Variants in AP4E1 observed in about 807,000 individuals in gnomAD.
AP4E1 encodes the protein adaptor related protein complex 4 subunit epsilon 1.
AP4E1 carries 56 observed loss-of-function variants against 128.2 expected under a neutral mutation model. That is an observed-to-expected ratio of 0.44 (90% CI 0.35 to 0.55). AP4E1 has a LOEUF of 0.55. Among genes scored for constraint, AP4E1 ranks in the 20% least tolerant of loss-of-function variants. The pLI, the probability that AP4E1 is intolerant of heterozygous loss-of-function variation, is 0.00. For synonymous variants in AP4E1, 484 were observed against 473.1 expected, an observed-to-expected ratio of 1.02 and a Z score of -0.30; for missense variants, 1,324 against 1,307.7, an observed-to-expected ratio of 1.01 and a Z score of -0.19.
At chr15:50,953,483 T>C (rs28642856) in intron 13 of AP4E1, among the ~76,000 whole-genome samples, 21,691 of 152,224 alleles carry the variant, frequency 0.14, 1,647 homozygotes, top group South Asian at 0.19. Context: ...TCTTGAGCCA[T>C]CCTGCTTCAT....
At chr15:50,922,324 T>G (rs1008003624) in intron 3 of AP4E1, among the ~76,000 whole-genome samples, 4 of 152,074 alleles carry the variant, frequency 2.6e-5, no homozygotes, top group Non-Finnish European at 5.9e-5. Flanking sequence ...GGAGTGAGAC[T>G]CTGTCTCAGG....
At chr15:50,957,345 T>C (rs1416179216) in intron 13 of AP4E1, among the ~76,000 whole-genome samples, 1 of 152,168 alleles carries the variant, frequency 6.6e-6, no homozygotes, top group Non-Finnish European at 1.5e-5. Context: ...TGTCAAGCTG[T>C]CCCTCTGAAG....
In AP4E1 at chr15:51,004,676, A is replaced by G. The variant is rs545135843; in HGVS notation, c.*2014A>G. ...CTTTCTGACCCACTAAATAAAAAGT[A>G]GTGTAACAGGGTTTCACTGGAATGT... On this transcript the variant is annotated 3_prime_UTR_variant, in exon 21 of 21. Coordinates refer to ENST00000261842, the MANE Select transcript of AP4E1 (RefSeq NM_007347.5). 8.5e-5 allele frequency: 13 copies of G among 152,786 alleles called. No homozygotes were observed. Among genetic ancestry groups the G allele is most frequent in the African/African-American group, 2.9e-4 (12 of 41,582 alleles). The allele number at this position is 152,786 out of a possible 1,614,324, so 9.5% of individuals were successfully genotyped here. A position where few individuals can be genotyped will look rare whatever the true frequency, so the allele number is the denominator to read the frequency against.
intron 15 of AP4E1, among the ~76,000 whole-genome samples, chr15:50,974,201 A>G (rs1326108183): frequency 6.6e-6 from 1 of 151,522 alleles, no homozygotes. Context: ...CCTGACTTCA[A>G]GTGATCCACC....
intron 10 of AP4E1, among the ~76,000 whole-genome samples, chr15:50,943,591 T>C (rs891776668): frequency 6.6e-6 from 1 of 152,142 alleles, no homozygotes; most frequent in African/African-American, 2.4e-5. Context: ...GAGCATGCAT[T>C]TCCTTTGTAT....
At chr15:50,958,379 A>T (rs1249893606) in intron 13 of AP4E1, 113 bp from the exon 14 acceptor site, 1 of 832,832 alleles carries the variant, frequency 1.2e-6, no homozygotes, top group Admixed American at 2.8e-5. Context: ...CCATGAGAGG[A>T]TGTTTAATCT....
intron 17 of AP4E1, among the ~76,000 whole-genome samples, chr15:50,995,173 T>C (rs942843045): frequency 6.6e-6 from 1 of 152,206 alleles, no homozygotes; most frequent in Non-Finnish European, 1.5e-5. Flanking sequence ...GTGCTCCTTC[T>C]GTGTCATGCC....
At chr15:50,942,259 C>T (rs2063998490) in intron 10 of AP4E1, among the ~76,000 whole-genome samples, 1 of 152,080 alleles carries the variant, frequency 6.6e-6, no homozygotes, top group Admixed American at 6.5e-5. Flanking sequence ...CTAAAAAGTA[C>T]TATGTCAGTG....
intron 14 of AP4E1, among the ~76,000 whole-genome samples, chr15:50,964,382 AT>A (rs1246403062): frequency 1.2e-4 from 16 of 137,908 alleles, no homozygotes; most frequent in Admixed American, 1.1e-3. Flanking sequence ...TGTTTTCTTG[AT>A]TTATTTTTGT....
At chr15:50,978,159 T>C (rs1164217956) in intron 15 of AP4E1, among the ~76,000 whole-genome samples, 1 of 152,006 alleles carries the variant, frequency 6.6e-6, no homozygotes, top group Non-Finnish European at 1.5e-5. Flanking sequence ...TTAGCAAAAA[T>C]AGGTGAGATG....
At chr15:50,955,688 C>G (rs1178972669) in intron 13 of AP4E1, among the ~76,000 whole-genome samples, 1 of 152,230 alleles carries the variant, frequency 6.6e-6, no homozygotes, top group Non-Finnish European at 1.5e-5. Flanking sequence ...CACTGTATTT[C>G]TCCTTGGTGG....
chr15:50,952,236 C>T (rs752134643), intron 13 of AP4E1, among the ~76,000 whole-genome samples: 1 of 151,920 alleles, frequency 6.6e-6, no homozygotes, highest in Non-Finnish European at 1.5e-5. Flanking sequence ...AGACACTGGG[C>T]GCGGTGGCTC....
intron 6 of AP4E1, among the ~76,000 whole-genome samples, chr15:50,930,296 A>G (rs1385365508): frequency 7.3e-6 from 1 of 136,568 alleles, no homozygotes; most frequent in Non-Finnish European, 1.5e-5. Context: ...CGAACTCCCA[A>G]CCTCAGGTGA....
intron 15 of AP4E1, among the ~76,000 whole-genome samples, chr15:50,975,775 T>A (rs1031897374): frequency 7.9e-5 from 12 of 152,216 alleles, no homozygotes; most frequent in African/African-American, 2.9e-4. Context: ...ATTCATGGTC[T>A]TTTGTGGTTC....
At chr15:50,960,473 T>C (rs940163363) in intron 14 of AP4E1, among the ~76,000 whole-genome samples, 17 of 129,750 alleles carry the variant, frequency 1.3e-4, no homozygotes. Flanking sequence ...AAAGGTACTT[T>C]GGAAACTGAA....
chr15:50,948,339 C>CTTTTTTTTTTTTTTTTTT (rs66467957), intron 11 of AP4E1, among the ~76,000 whole-genome samples, 180 bp downstream of exon 11: 2 of 122,060 alleles, frequency 1.6e-5, no homozygotes, highest in African/African-American at 3.0e-5. Context: ...TAGGAGATGG[C>CTTTTTTTTTTTTTTTTTT]TTTTTTTTTT....
In AP4E1 at chr15:50,945,331, T is replaced by G; in HGVS notation, c.1177-2689T>G. 3 of 780,592 alleles carry G rather than the reference T, an allele frequency of 3.8e-6. No individual in the cohort carries two copies. In the Admixed American group the frequency reaches 5.1e-5, roughly 13 times the overall value. 48.4% of individuals were successfully genotyped at this position (780,592 alleles called of 1,614,324 possible). ...TGCGTCTGACAGGAATATAGTACTGTACAACATGAGGCAAGCTACTCCTTT... is the reference window on the plus strand; with the variant it reads ...TGCGTCTGACAGGAATATAGTACTGGACAACATGAGGCAAGCTACTCCTTT... On this transcript the variant is annotated intron_variant, in intron 10 of 20. Coordinates refer to ENST00000261842, the MANE Select transcript of AP4E1 (RefSeq NM_007347.5).
At chr15:50,980,488 T>C (rs2064628906) in intron 15 of AP4E1, among the ~76,000 whole-genome samples, 1 of 152,228 alleles carries the variant, frequency 6.6e-6, no homozygotes, top group African/African-American at 2.4e-5. Context: ...CGGAAAATTT[T>C]CAGCCTGGCC....
At chr15:50,919,550 A>G (rs914938588) in intron 3 of AP4E1, among the ~76,000 whole-genome samples, 1 of 127,618 alleles carries the variant, frequency 7.8e-6, no homozygotes, top group Non-Finnish European at 1.9e-5. Flanking sequence ...AAATAAATAA[A>G]TAAATAAATA....
Sources: allele counts gnomAD v4.1 joint callset (sites outside exome capture counted in the v4.1 genomes callset), GRCh38; gene constraint gnomAD v4.1.1; transcripts MANE v1.5; gene names NCBI Gene and HGNC (gene_info 2026-07-23, HGNC 2026-07-21).